Variants in ARHGEF7 observed in about 807,000 individuals in gnomAD.
The protein encoded by ARHGEF7 is PAK-interacting exchange factor beta.
In ARHGEF7, 33 loss-of-function variants were observed where a neutral mutation model predicts 109.8. The observed-to-expected ratio is 0.30, with a 90% CI of 0.23 to 0.40. The LOEUF (loss-of-function observed/expected upper bound fraction) is 0.40. Ranked by LOEUF, ARHGEF7 falls within the 10% of genes least tolerant of loss-of-function variation. The pLI is 1.00. For synonymous variants in ARHGEF7, 458 were observed against 424.6 expected, an observed-to-expected ratio of 1.08 and a Z score of -0.97; for missense variants, 938 against 1,098.5, an observed-to-expected ratio of 0.85 and a Z score of 2.07.
intron 2 of ARHGEF7, among the ~76,000 whole-genome samples, chr13:111,192,846 C>T (rs550440945): frequency 9.9e-5 from 15 of 152,270 alleles, no homozygotes; most frequent in South Asian, 8.3e-4. Context: ...CTCTGTCTTG[C>T]GAGGGAAAGC....
At chr13:111,271,747 A>G (rs1439417989) in intron 9 of ARHGEF7, among the ~76,000 whole-genome samples, 2 of 152,228 alleles carry the variant, frequency 1.3e-5, no homozygotes, top group Non-Finnish European at 2.9e-5. Flanking sequence ...GGGCAGCCTT[A>G]CAGAAATAAT....
chr13:111,219,518 G>A (rs2083549805), intron 5 of ARHGEF7, among the ~76,000 whole-genome samples: 1 of 152,270 alleles, frequency 6.6e-6, no homozygotes, highest in Admixed American at 6.5e-5. Context: ...TGGAATTGCT[G>A]GGTCAGATGG....
intron 2 of ARHGEF7, among the ~76,000 whole-genome samples, chr13:111,200,686 A>T (rs1483234572): frequency 6.6e-6 from 1 of 152,230 alleles, no homozygotes; most frequent in Non-Finnish European, 1.5e-5. Context: ...TCTGTCATAC[A>T]TGACAAGGTT....
intron 6 of ARHGEF7, among the ~76,000 whole-genome samples, chr13:111,238,541 T>C (rs1481923334): frequency 6.6e-6 from 1 of 152,224 alleles, no homozygotes; most frequent in African/African-American, 2.4e-5. Context: ...CTGTGAAAGC[T>C]GTAGCCAAGG....
chr13:111,186,814 G>A (rs950740182), intron 2 of ARHGEF7: 3 of 985,314 alleles, frequency 3.0e-6, no homozygotes, highest in African/African-American at 1.7e-5. Context: ...GAAAGTGTGC[G>A]CTCAGTCCCA....
intron 8 of ARHGEF7, among the ~76,000 whole-genome samples, chr13:111,262,903 G>T (rs913043864): frequency 6.6e-6 from 1 of 152,216 alleles, no homozygotes; most frequent in Non-Finnish European, 1.5e-5. Context: ...GGAGCAGCTG[G>T]CATGATGCGT....
intron 5 of ARHGEF7, among the ~76,000 whole-genome samples, chr13:111,220,718 C>G (rs1334882321): frequency 6.6e-6 from 1 of 152,112 alleles, no homozygotes; most frequent in Non-Finnish European, 1.5e-5. Flanking sequence ...AAAGGACCGG[C>G]AGGGCGTGTT....
chr13:111,181,580 T>A (rs150782976), intron 2 of ARHGEF7, among the ~76,000 whole-genome samples: 101 of 152,264 alleles, frequency 6.6e-4, no homozygotes, highest in African/African-American at 2.3e-3. Context: ...TTTCTCCAGG[T>A]GCTGTTCATC....
chr13:111,287,861 G>A (rs1374607227), intron 17 of ARHGEF7, among the ~76,000 whole-genome samples: 1 of 152,264 alleles, frequency 6.6e-6, no homozygotes, highest in African/African-American at 2.4e-5. Context: ...ACAGGACCAC[G>A]GGCTGCCGTG....
At chr13:111,232,687 C>T (rs996628276) in intron 5 of ARHGEF7, among the ~76,000 whole-genome samples, 1 of 152,020 alleles carries the variant, frequency 6.6e-6, no homozygotes, top group African/African-American at 2.4e-5. Context: ...CTTGTTTTTG[C>T]CCCTGCTTGA....
At position 111,157,037 on chromosome 13, in the gene ARHGEF7, G is replaced by A. The variant is rs143818849; in HGVS notation, c.252+3046G>A. The stretch of plus-strand genomic sequence containing the variant: ...TGGTTAATATGTCAGCTGTTTTGGT[G>A]CATGCCCTCCTTAATTACCTGTAGA... On this transcript the variant is annotated intron_variant, in intron 2 of 21. Transcript: ENST00000646102. Among the ~76,000 whole-genome samples the A allele has an allele frequency of 5.5e-3, 843 of 152,260 alleles. 7 individuals are homozygous for A. The highest frequency in any genetic ancestry group is 0.019 in the African/African-American group (803 of 41,534).
intron 8 of ARHGEF7, among the ~76,000 whole-genome samples, chr13:111,253,863 A>G (rs1250485364): frequency 6.6e-6 from 1 of 152,352 alleles, no homozygotes; most frequent in African/African-American, 2.4e-5. Context: ...CAACCCAGTT[A>G]TCACAGTTCA....
chr13:111,178,013 C>T (rs2078336101), intron 2 of ARHGEF7, among the ~76,000 whole-genome samples: 1 of 152,224 alleles, frequency 6.6e-6, no homozygotes, highest in Non-Finnish European at 1.5e-5. Context: ...TCACTCAGTG[C>T]CTGTCCTTTG....
chr13:111,238,479 C>T (rs928648576), intron 6 of ARHGEF7, among the ~76,000 whole-genome samples: 25 of 152,176 alleles, frequency 1.6e-4, no homozygotes, highest in African/African-American at 6.0e-4. Flanking sequence ...TCACTGAGGC[C>T]ACCATACCAT....
Position 111,286,150 on chromosome 13 carries a change from C to T in ARHGEF7, c.1954C>T (p.Leu652Phe). Reference protein sequence around the residue: ...PSAALCYKEDLSKSPKTMKKL... With the variant: ...PSAALCYKEDFSKSPKTMKKL... ...ATTTTCTTTTGTCTTTCCCTAGGAT[C>T]TTAGTAAGAGCCCTAAGACCATGAA... Residue 652 changes from leucine to phenylalanine, a missense_variant, in exon 17 of 22, where the codon CTT becomes TTT. Coordinates refer to ENST00000646102, the MANE Select transcript of ARHGEF7 (RefSeq NM_001354046.2). The T allele has an allele frequency of 1.2e-6, 2 of 1,612,730 alleles. No homozygotes were observed. Among genetic ancestry groups the T allele is most frequent in the Non-Finnish European group, 1.7e-6 (2 of 1,178,828 alleles).
intron 5 of ARHGEF7, among the ~76,000 whole-genome samples, chr13:111,225,722 C>G (rs578207778): frequency 2.2e-4 from 34 of 152,142 alleles, no homozygotes; most frequent in African/African-American, 7.9e-4. Flanking sequence ...ATGAACCATG[C>G]CCATGTAAGA....
chr13:111,268,923 A>G (rs771373780), intron 9 of ARHGEF7, among the ~76,000 whole-genome samples: 29 of 152,324 alleles, frequency 1.9e-4, no homozygotes, highest in African/African-American at 5.5e-4. Flanking sequence ...CTCAAATATA[A>G]AAGGATTAAG....
At chr13:111,250,394 T>TTATA (rs1566960974) in intron 8 of ARHGEF7, among the ~76,000 whole-genome samples, 1 of 152,192 alleles carries the variant, frequency 6.6e-6, no homozygotes, top group Non-Finnish European at 1.5e-5. Context: ...CTGGTGGAGC[T>TTATA]TATAGTCTGG....
At chr13:111,150,843 G>C (rs553580565) in intron 1 of ARHGEF7, among the ~76,000 whole-genome samples, 1 of 152,362 alleles carries the variant, frequency 6.6e-6, no homozygotes, top group South Asian at 2.1e-4. Context: ...GCATTTTCAA[G>C]TTCATCGTGC....
Sources: allele counts gnomAD v4.1 joint callset (sites outside exome capture counted in the v4.1 genomes callset), GRCh38; gene constraint gnomAD v4.1.1; transcripts MANE v1.5; gene names NCBI Gene and HGNC (gene_info 2026-07-23, HGNC 2026-07-21).